The following PCDHGB6 variants were observed in gnomAD, a reference collection of about 807,000 sequenced individuals.
The protein encoded by PCDHGB6 is protocadherin gamma subfamily B, 6, also known as protocadherin gamma-B6.
A neutral mutation model predicts 59.1 loss-of-function variants in PCDHGB6; 51 were observed. The observed-to-expected ratio is 0.86, with a 90% CI of 0.69 to 1.09. The LOEUF is 1.09. Ranked by LOEUF, PCDHGB6 falls within the 50% of genes least tolerant of loss-of-function variation. The probability of loss-of-function intolerance (pLI) is 0.00; values close to 1 mark genes in which losing one functional copy is unlikely to be tolerated. For missense variants in PCDHGB6, 1,148 were observed against 1,205.1 expected, an observed-to-expected ratio of 0.95 and a Z score of 0.70; for synonymous variants, 466 against 495.1, an observed-to-expected ratio of 0.94 and a Z score of 0.78.
Position 141,511,285 on chromosome 5 carries a change from G to C in PCDHGB6, c.*112G>C. On this transcript the variant is annotated 3_prime_UTR_variant, in exon 4 of 4. Coordinates refer to ENST00000520790, the MANE Select transcript of PCDHGB6 (RefSeq NM_018926.3). Reference sequence around the variant, plus strand: ...GGGCTAACCCCCAGAATACTGGTAGGGGCCAAGGCCATGCTCCCCTTGGGA... The same window carrying C: ...GGGCTAACCCCCAGAATACTGGTAGCGGCCAAGGCCATGCTCCCCTTGGGA... 1 of 1,521,904 alleles carries C rather than the reference G, an allele frequency of 6.6e-7. No homozygotes were observed. The highest frequency in any genetic ancestry group is 8.8e-7 in the Non-Finnish European group (1 of 1,131,664). 94.3% of individuals were successfully genotyped at this position (1,521,904 alleles called of 1,614,324 possible).
rs771106873 is a variant in PCDHGB6, at chr5:141,426,860, A to C, written c.2418+16240A>C. 5 of 456,702 alleles carry C rather than the reference A, an allele frequency of 1.1e-5. No individual in the cohort carries two copies. In the Admixed American group the frequency reaches 1.2e-4, roughly 11 times the overall value. The allele number at this position is 456,702 out of a possible 1,614,324, so 28.3% of individuals were successfully genotyped here. A position where few individuals can be genotyped will look rare whatever the true frequency, so the allele number is the denominator to read the frequency against. On this transcript the variant is annotated intron_variant, in intron 1 of 3. Transcript: ENST00000520790. ...CTAAAGGCAAGAACGCTCCAGAATT[A>C]GTGCTGGAGAAGCCCCTGGGCCAGG...
intron 1 of PCDHGB6, 83 bp downstream of exon 1, chr5:141,410,703 C>G (rs763776263): frequency 1.1e-5 from 16 of 1,467,494 alleles, no homozygotes; most frequent in Non-Finnish European, 9.1e-7. Flanking sequence ...ATTTTCATAT[C>G]TAGAATCATA....
At chr5:141,414,106 C>G (rs1424739885) in intron 1 of PCDHGB6, 2 of 1,592,536 alleles carry the variant, frequency 1.3e-6, no homozygotes, top group Non-Finnish European at 1.7e-6. Context: ...ATCAGAAAAT[C>G]TAGATTATGA....
Position 141,476,162 on chromosome 5 carries a change from G to A in PCDHGB6, c.2419-18645G>A. 6.2e-7 allele frequency: 1 copy of A among 1,613,038 alleles called. No homozygotes were observed. Among genetic ancestry groups the A allele is most frequent in the South Asian group, 1.1e-5 (1 of 91,040 alleles). Reference sequence around the variant, plus strand: ...GAGCGGACTGGTAAGCACCGGGAGGGTAGTGGGAGTTTTGCTTCTGCTTGG... The same window carrying A: ...GAGCGGACTGGTAAGCACCGGGAGGATAGTGGGAGTTTTGCTTCTGCTTGG... On this transcript the variant is annotated intron_variant, in intron 1 of 3. Coordinates refer to ENST00000520790, the MANE Select transcript of PCDHGB6 (RefSeq NM_018926.3). The surrounding 1 kb of genome is among the most constrained non-coding windows in gnomAD (Gnocchi z 7.6).
At chr5:141,433,204 C>A in intron 1 of PCDHGB6, 1 of 1,566,946 alleles carries the variant, frequency 6.4e-7, no homozygotes, top group Non-Finnish European at 8.6e-7. Flanking sequence ...ATCAAATCTT[C>A]TTTCTTTTTT....
At chr5:141,501,866 C>T (rs1193396289) in intron 2 of PCDHGB6, among the ~76,000 whole-genome samples, 4 of 152,108 alleles carry the variant, frequency 2.6e-5, no homozygotes, top group South Asian at 2.1e-4. Context: ...TTTCCCAGGA[C>T]GCCTCCTTAC....
At chr5:141,510,674 GGCAT>G (rs1388331907) in intron 3 of PCDHGB6, among the ~76,000 whole-genome samples, 6 of 152,132 alleles carry the variant, frequency 3.9e-5, no homozygotes, top group Non-Finnish European at 8.8e-5. Flanking sequence ...AAACTGAAGT[GGCAT>G]AAGGAGGTTA....
intron 2 of PCDHGB6, among the ~76,000 whole-genome samples, chr5:141,504,506 A>T (rs575756846): frequency 1.3e-5 from 2 of 152,096 alleles, no homozygotes; most frequent in African/African-American, 4.8e-5. Context: ...GTCTGAGTGG[A>T]TCTCCTCTGA....
In PCDHGB6 at chr5:141,461,039, C is replaced by T. The variant is rs1026091108; in HGVS notation, c.2419-33768C>T. On this transcript the variant is annotated intron_variant, in intron 1 of 3. Coordinates refer to ENST00000520790, the MANE Select transcript of PCDHGB6 (RefSeq NM_018926.3). ...ACATTTTCTTTATCCACTCATTAGT[C>T]GATGGGGACTTAGGTTGGTTTCACA... is the stretch of plus-strand genomic sequence containing the variant. 2.7e-5 allele frequency among the ~76,000 whole-genome samples: 4 copies of T among 150,906 alleles called. No homozygotes were observed. In the East Asian group the frequency reaches 7.8e-4, roughly 29 times the overall value.
chr5:141,499,689 CTTTTTTTT>C (rs545067566), intron 2 of PCDHGB6, among the ~76,000 whole-genome samples: 2 of 119,856 alleles, frequency 1.7e-5, no homozygotes, highest in Non-Finnish European at 3.5e-5. Flanking sequence ...TAACAGATGA[CTTTTTTTT>C]TTTTTTTTTT....
chr5:141,422,785 T>C, intron 1 of PCDHGB6: 1 of 1,614,146 alleles, frequency 6.2e-7, no homozygotes, highest in Non-Finnish European at 8.5e-7. Flanking sequence ...TGCCCTACAA[T>C]CCTTCGACTA....
chr5:141,433,812 G>A (rs535623556), intron 1 of PCDHGB6, among the ~76,000 whole-genome samples: 46 of 150,530 alleles, frequency 3.1e-4, no homozygotes, highest in African/African-American at 1.1e-3. Context: ...ACTCCAGCCT[G>A]GGCAACAAGA....
At chr5:141,456,815 T>A (rs867637586) in intron 1 of PCDHGB6, among the ~76,000 whole-genome samples, 5 of 151,934 alleles carry the variant, frequency 3.3e-5, no homozygotes, top group Non-Finnish European at 7.4e-5. Flanking sequence ...ATACAAAAAA[T>A]TAGCCATCGT....
chr5:141,430,913 C>A (rs1485488693), intron 1 of PCDHGB6: 1 of 1,607,720 alleles, frequency 6.2e-7, no homozygotes, highest in East Asian at 2.2e-5. Context: ...CTCCAGGGAC[C>A]TGGGGCTGGA....
At position 141,476,128 on chromosome 5, in the gene PCDHGB6, G is replaced by A. The variant is rs1450094771; in HGVS notation, c.2419-18679G>A. 1 of 1,606,456 alleles carries A rather than the reference G, an allele frequency of 6.2e-7. No homozygotes were observed. Among genetic ancestry groups the A allele is most frequent in the African/African-American group, 1.3e-5 (1 of 74,874 alleles). On this transcript the variant is annotated intron_variant, in intron 1 of 3. Transcript: ENST00000520790. The surrounding 1 kb of genome is among the most constrained non-coding windows in gnomAD (Gnocchi z 7.6). ...TGCTTTTGAGTGAGATGGTCCCAGA[G>A]GCCTGGAGGAGCGGACTGGTAAGCA...
At chr5:141,419,155 A>G in intron 1 of PCDHGB6, 1 of 1,613,966 alleles carries the variant, frequency 6.2e-7, no homozygotes, top group Middle Eastern at 1.6e-4. Context: ...AGCCTCCGTT[A>G]TCCTCCAGCA....
rs191165530 is a variant in PCDHGB6 at position 141,439,134 on chromosome 5, A to T, written c.2418+28514A>T. On this transcript the variant is annotated intron_variant, in intron 1 of 3. Coordinates refer to ENST00000520790, the MANE Select transcript of PCDHGB6 (RefSeq NM_018926.3). The stretch of plus-strand genomic sequence containing the variant: ...CTTGAACCCGGGAGACAGAGGTTGC[A>T]GTGAGCTGAGATCACGCCACTGCAC... Among the ~76,000 whole-genome samples the T allele has an allele frequency of 2.4e-3, 368 of 151,344 alleles. 1 individual carries two copies. Among genetic ancestry groups the T allele is most frequent in the African/African-American group, 8.5e-3 (349 of 41,216 alleles).
chr5:141,432,665 G>A lies in PCDHGB6; in HGVS notation c.2418+22045G>A. 1 of 1,613,896 alleles carries A rather than the reference G, an allele frequency of 6.2e-7. No individual in the cohort carries two copies. Among genetic ancestry groups the A allele is most frequent in the Non-Finnish European group, 8.5e-7 (1 of 1,179,956 alleles). On this transcript the variant is annotated intron_variant, in intron 1 of 3. Coordinates refer to ENST00000520790, the MANE Select transcript of PCDHGB6 (RefSeq NM_018926.3). The surrounding 1 kb of genome is among the most constrained non-coding windows in gnomAD (Gnocchi z 6.0). ...CACGGCGCGAGCCCTGCTGGACAGA[G>A]ACGCGCTCAAGCAGAGCCTCGTAGT... is the stretch of plus-strand genomic sequence containing the variant.
At chr5:141,478,794 G>A in intron 1 of PCDHGB6, 1 of 1,468,126 alleles carries the variant, frequency 6.8e-7, no homozygotes, top group Non-Finnish European at 9.0e-7. Flanking sequence ...CACATCCTCA[G>A]CACTCTTTTG....
Sources: allele counts gnomAD v4.1 joint callset (sites outside exome capture counted in the v4.1 genomes callset), GRCh38; gene constraint gnomAD v4.1.1; non-coding constraint Gnocchi (gnomAD v3.1); transcripts MANE v1.5; gene names NCBI Gene and HGNC (gene_info 2026-07-23, HGNC 2026-07-21).